Variants in KDM4C observed in about 807,000 individuals in gnomAD.
KDM4C encodes lysine-specific demethylase 4C.
A neutral mutation model predicts 129.3 loss-of-function variants in KDM4C; 81 were observed. The observed-to-expected ratio is 0.63, with a 90% CI of 0.52 to 0.75. The LOEUF (loss-of-function observed/expected upper bound fraction) is 0.75. Among genes scored for constraint, KDM4C ranks in the 30% least tolerant of loss-of-function variants. The pLI is 0.00. For synonymous variants in KDM4C, 573 were observed against 456.1 expected, an observed-to-expected ratio of 1.26 and a Z score of -3.26; for missense variants, 1,457 against 1,304.0, an observed-to-expected ratio of 1.12 and a Z score of -1.81.
At chr9:6,907,125 A>G (rs1818458082) in intron 8 of KDM4C, among the ~76,000 whole-genome samples, 1 of 152,222 alleles carries the variant, frequency 6.6e-6, no homozygotes, top group Admixed American at 6.5e-5. Context: ...GCTGTTAAAA[A>G]CAGCAGGGTG....
At chr9:6,814,246 A>G (rs1431546577) in intron 3 of KDM4C, among the ~76,000 whole-genome samples, 1 of 152,072 alleles carries the variant, frequency 6.6e-6, no homozygotes, top group Non-Finnish European at 1.5e-5. Flanking sequence ...TTTTAGTGAG[A>G]TTATTGTTTG....
At chr9:6,832,974 G>A (rs1292737071) in intron 4 of KDM4C, among the ~76,000 whole-genome samples, 2 of 147,662 alleles carry the variant, frequency 1.4e-5, no homozygotes, top group South Asian at 2.2e-4. Context: ...GACCTTAGGT[G>A]ATCTGCTTGC....
At chr9:7,010,399 C>T (rs929433124) in intron 12 of KDM4C, among the ~76,000 whole-genome samples, 5 of 152,186 alleles carry the variant, frequency 3.3e-5, no homozygotes, top group Admixed American at 6.5e-5. Context: ...GAGTTATTTT[C>T]AGCCTCATTC....
rs1177446839 is a variant in KDM4C, at chr9:6,854,525, C to CAAAAAAAAAAA, written c.629+4835_629+4845dup. On this transcript the variant is annotated intron_variant, in intron 5 of 21. Transcript: ENST00000381309. ...GGGCAACAAGAGCGAAACTCCGTCT[C>CAAAAAAAAAAA]AAAAAAAAAAAAAAAAAAAACAAAA... 3.6e-3 allele frequency among the ~76,000 whole-genome samples: 147 copies of CAAAAAAAAAAA among 40,580 alleles called. 2 individuals are homozygous for CAAAAAAAAAAA. The highest frequency in any genetic ancestry group is 4.5e-3 in the Non-Finnish European group (98 of 21,712). 26.6% of individuals were successfully genotyped at this position (40,580 alleles called of 152,430 possible).
intron 8 of KDM4C, among the ~76,000 whole-genome samples, chr9:6,950,067 A>AT (rs1827850358): frequency 1.0e-5 from 1 of 97,426 alleles, no homozygotes; most frequent in Non-Finnish European, 1.9e-5. Context: ...TTGGTGGAGT[A>AT]TCTTTTCTTG....
chr9:7,047,429 G>T (rs1034870111), intron 16 of KDM4C, among the ~76,000 whole-genome samples: 1 of 152,026 alleles, frequency 6.6e-6, no homozygotes, highest in Non-Finnish European at 1.5e-5. Flanking sequence ...AAGGGATCAG[G>T]TGGAGAATAT....
chr9:6,919,222 C>CT (rs1563812029), intron 8 of KDM4C, among the ~76,000 whole-genome samples: 1 of 107,484 alleles, frequency 9.3e-6, no homozygotes, highest in African/African-American at 3.6e-5. Context: ...TTTTCTTTTT[C>CT]CTTCTTTCTT....
In KDM4C at chr9:6,758,063, G is replaced by A. The variant is rs1284948210; in HGVS notation, c.-158G>A. ...GCGGCGCAGTGATCGGGCGGCCGGG[G>A]TCCTGTGCGCGTGCGCAGCGAACAG... On this transcript the variant is annotated 5_prime_UTR_variant, in exon 1 of 22. Transcript: ENST00000381309. This position sits in a 1 kb window ranked among gnomAD's most constrained non-coding sequence, Gnocchi z 4.6. The A allele has an allele frequency of 6.1e-6, 6 of 985,460 alleles. No homozygotes were observed. Among genetic ancestry groups the A allele is most frequent in the Non-Finnish European group, 7.2e-6 (6 of 829,968 alleles). 61.0% of individuals were successfully genotyped at this position (985,460 alleles called of 1,614,324 possible). A position where few individuals can be genotyped will look rare whatever the true frequency, so the allele number is the denominator to read the frequency against.
At chr9:6,914,038 G>C (rs1220670503) in intron 8 of KDM4C, among the ~76,000 whole-genome samples, 1 of 152,112 alleles carries the variant, frequency 6.6e-6, no homozygotes, top group African/African-American at 2.4e-5. Flanking sequence ...ACTGTTATTT[G>C]TTTACAACAT....
chr9:6,739,430 T>C (rs530490124), intron 1 of KDM4C, among the ~76,000 whole-genome samples: 1 of 152,188 alleles, frequency 6.6e-6, no homozygotes, highest in East Asian at 1.9e-4. Context: ...TGCCATCTAG[T>C]GTGGGATTTG....
At chr9:6,998,805 AAACC>A (rs974728119) in intron 12 of KDM4C, among the ~76,000 whole-genome samples, 3 of 152,234 alleles carry the variant, frequency 2.0e-5, no homozygotes, top group East Asian at 1.9e-4. Flanking sequence ...CCAAAAAAAC[AAACC>A]AACCAACAAA....
At chr9:6,763,037 G>A (rs553246269) in intron 1 of KDM4C, among the ~76,000 whole-genome samples, 1 of 151,928 alleles carries the variant, frequency 6.6e-6, no homozygotes, top group Non-Finnish European at 1.5e-5. Context: ...CGCTGGTGGG[G>A]GGGGATGGAT....
At chr9:7,101,085 A>T (rs1411157081) in intron 17 of KDM4C, among the ~76,000 whole-genome samples, 1 of 152,088 alleles carries the variant, frequency 6.6e-6, no homozygotes, top group Non-Finnish European at 1.5e-5. Context: ...GGTAGCAGGG[A>T]TTGATCTTGA....
intron 19 of KDM4C, among the ~76,000 whole-genome samples, chr9:7,153,480 A>G (rs1842897502): frequency 1.3e-5 from 2 of 152,120 alleles, no homozygotes; most frequent in Non-Finnish European, 2.9e-5. Flanking sequence ...AACTTGGGAG[A>G]CTGCTGCCGG....
At chr9:7,057,850 G>C (rs2381543) in intron 17 of KDM4C, among the ~76,000 whole-genome samples, 7,308 of 152,230 alleles carry the variant, frequency 0.048, 191 homozygotes, top group South Asian at 0.089. Context: ...AGATGAATAG[G>C]TTGATGTTCT....
At position 7,174,879 on chromosome 9, in the gene KDM4C, C is replaced by A; in HGVS notation, c.*150C>A. ...AAATCGGGTTTCCAGAGTTTGGTCACCAAAAATACAAAATACACCCAATGA... is the reference window on the plus strand; with the variant it reads ...AAATCGGGTTTCCAGAGTTTGGTCAACAAAAATACAAAATACACCCAATGA... On this transcript the variant is annotated 3_prime_UTR_variant, in exon 22 of 22. Transcript: ENST00000381309. The A allele has an allele frequency of 1.6e-6, 1 of 613,340 alleles. No homozygotes were observed. Among genetic ancestry groups the A allele is most frequent in the Non-Finnish European group, 2.9e-6 (1 of 350,470 alleles). 38.0% of individuals were successfully genotyped at this position (613,340 alleles called of 1,614,324 possible). A position where few individuals can be genotyped will look rare whatever the true frequency, so the allele number is the denominator to read the frequency against.
chr9:7,174,853 T>A lies in KDM4C; in HGVS notation c.*124T>A. ...TGACAGGGTGTGTCTCTGACAGTGG[T>A]AAATCGGGTTTCCAGAGTTTGGTCA... On this transcript the variant is annotated 3_prime_UTR_variant, in exon 22 of 22. Transcript: ENST00000381309. 2 of 762,550 alleles carry A rather than the reference T, an allele frequency of 2.6e-6. No individual in the cohort carries two copies. Among genetic ancestry groups the A allele is most frequent in the Non-Finnish European group, 4.2e-6 (2 of 472,752 alleles). The allele number at this position is 762,550 out of a possible 1,614,324, so 47.2% of individuals were successfully genotyped here.
At chr9:6,802,408 G>T (rs1011585089) in intron 2 of KDM4C, among the ~76,000 whole-genome samples, 1 of 152,170 alleles carries the variant, frequency 6.6e-6, no homozygotes, top group Non-Finnish European at 1.5e-5. Context: ...AGAAGTGTCT[G>T]TGTATGCATG....
At chr9:7,007,736 C>G (rs968773087) in intron 12 of KDM4C, among the ~76,000 whole-genome samples, 1 of 152,008 alleles carries the variant, frequency 6.6e-6, no homozygotes, top group Non-Finnish European at 1.5e-5. Flanking sequence ...CTTTTATTTC[C>G]TTTTTTGTGG....
Sources: allele counts gnomAD v4.1 joint callset (sites outside exome capture counted in the v4.1 genomes callset), GRCh38; gene constraint gnomAD v4.1.1; non-coding constraint Gnocchi (gnomAD v3.1); transcripts MANE v1.5; gene names NCBI Gene and HGNC (gene_info 2026-07-23, HGNC 2026-07-21).